The following ZSWIM2 variants were observed in gnomAD, a reference collection of about 807,000 sequenced individuals.
ZSWIM2 encodes the protein E3 ubiquitin-protein ligase ZSWIM2.
Under a neutral mutation model 48.4 loss-of-function variants are expected in ZSWIM2, and 38 were observed. The observed-to-expected ratio is 0.79, with a 90% CI of 0.61 to 1.03. ZSWIM2 has a LOEUF of 1.03. Among genes scored for constraint, ZSWIM2 ranks in the 50% least tolerant of loss-of-function variants. The pLI, the probability that ZSWIM2 is intolerant of heterozygous loss-of-function variation, is 0.00. For missense variants in ZSWIM2, 776 were observed against 730.2 expected (o/e 1.06, Z -0.72); for synonymous variants, 240 against 251.3 (o/e 0.96, Z 0.42).
chr2:186,844,021 T>C (rs190569610), intron 3 of ZSWIM2, among the ~76,000 whole-genome samples: 1 of 151,776 alleles, frequency 6.6e-6, no homozygotes, highest in East Asian at 1.9e-4. Flanking sequence ...TTCATGAATA[T>C]CAGAAACATT....
In ZSWIM2 at chr2:186,837,381, T is replaced by C. The variant is rs142721352; in HGVS notation, c.668A>G (p.Lys223Arg). ...NSSKLVAAAE[K>R]ERLDKHLGIP... ...CCCAAGGTGTTTGTCCAGTCTCTCT[T>C]TTTCTGCTGCAGCTACTAGTTTGCT... Residue 223 changes from lysine to arginine, a missense_variant, in exon 5 of 9, where the codon AAA (lysine) becomes AGA (arginine). Transcript: ENST00000295131. The C allele has an allele frequency of 1.2e-4, 201 of 1,613,070 alleles. 1 individual carries two copies. The African/African-American group carries it at 2.5e-3, about 20-fold the overall frequency.
intron 1 of ZSWIM2, chr2:186,848,718 G>A (rs1315632126): frequency 4.5e-6 from 2 of 441,402 alleles, no homozygotes; most frequent in South Asian, 2.8e-5. Context: ...AAGATCAAGA[G>A]CCATCATCTT....
rs748175205 is a variant in ZSWIM2 at position 186,829,818 on chromosome 2, C to T, written c.1004G>A (p.Ser335Asn). 3.1e-6 allele frequency: 5 copies of T among 1,613,502 alleles called. No individual in the cohort carries two copies. The highest frequency in any genetic ancestry group is 2.2e-5 in the East Asian group (1 of 44,858). The change falls in exon 8 of 9, where the codon AGT (serine) becomes AAT (asparagine). Residue 335 changes from serine to asparagine, a missense_variant. By Grantham distance (46) the Ser-to-Asn change is conservative. Coordinates refer to ENST00000295131, the MANE Select transcript of ZSWIM2 (RefSeq NM_182521.3). ...CTGGTAGCCTGGAGCAAGCAGCTTA[C>T]TATTCTTAGTAATCAGTTGGAGAGG... ...SLPLQLITKN[S>N]KLLAPGYQCL...
chr2:186,829,550 A>C (rs919476279), intron 8 of ZSWIM2, among the ~76,000 whole-genome samples, 177 bp downstream of exon 8: 1 of 152,180 alleles, frequency 6.6e-6, no homozygotes, highest in African/African-American at 2.4e-5. Flanking sequence ...AGACATCCTC[A>C]GGGAGAAAGC....
At chr2:186,834,802 C>T (rs975965640) in intron 5 of ZSWIM2, among the ~76,000 whole-genome samples, 2 of 152,134 alleles carry the variant, frequency 1.3e-5, no homozygotes, top group South Asian at 4.1e-4. Flanking sequence ...CCTCCCTCTT[C>T]TACTTTTAAG....
rs1486886545 is a variant in ZSWIM2 at position 186,827,985 on chromosome 2, C to T, written c.1901G>A (p.Ter634=). 1 of 1,544,750 alleles carries T rather than the reference C, an allele frequency of 6.5e-7. No homozygotes were observed. The highest frequency in any genetic ancestry group is 8.7e-7 in the Non-Finnish European group (1 of 1,150,262). The stretch of plus-strand genomic sequence containing the variant: ...AATATTTTCAGATAGTAAACTTTTT[C>T]ACAATTGAACTCCTTCTATTATTAA... The part of the protein sequence containing the change: ...LSLIIEGVQL[*] Residue 634 remains the stop codon, a stop_retained_variant, in exon 9 of 9, where the codon TGA becomes TAA. Transcript: ENST00000295131.
chr2:186,840,053 C>A (rs372971037), intron 3 of ZSWIM2, among the ~76,000 whole-genome samples: 1 of 146,508 alleles, frequency 6.8e-6, no homozygotes, highest in African/African-American at 2.5e-5. Context: ...AGACCCCCCC[C>A]AACTAAACAC....
rs1011396683 is a variant in ZSWIM2, at chr2:186,834,019, C to T, written c.755G>A (p.Cys252Tyr). 6.2e-7 allele frequency: 1 copy of T among 1,610,118 alleles called. No homozygotes were observed. Among genetic ancestry groups the T allele is most frequent in the African/African-American group, 1.3e-5 (1 of 74,870 alleles). ...IEGKCYKCTE[C>Y]IEYHLCQECF... Reference sequence around the variant, plus strand: ...TTCCTGGCATAAGTGATATTCTATGCATTCGGTACACCTAAAAATACAAAA... The same window carrying T: ...TTCCTGGCATAAGTGATATTCTATGTATTCGGTACACCTAAAAATACAAAA... The change falls in exon 6 of 9, where the codon TGC (cysteine) becomes TAC (tyrosine). Residue 252 changes from cysteine (C) to tyrosine (Y), a missense_variant. Cys to Tyr is a radical substitution (Grantham distance 194, BLOSUM62 -2). Transcript: ENST00000295131.
intron 2 of ZSWIM2, among the ~76,000 whole-genome samples, chr2:186,847,261 T>G (rs560450851): frequency 4.7e-4 from 71 of 152,198 alleles, no homozygotes; most frequent in African/African-American, 1.7e-3. Flanking sequence ...GAAACTTGAC[T>G]GCCATAGGCC....
chr2:186,829,920 A>T (rs1186416481), intron 7 of ZSWIM2, 40 bp from the exon 8 acceptor site: 1 of 1,606,548 alleles, frequency 6.2e-7, no homozygotes, highest in Non-Finnish European at 8.5e-7. Flanking sequence ...TTTACATGTT[A>T]TTATAGATCA....
intron 2 of ZSWIM2, among the ~76,000 whole-genome samples, chr2:186,847,465 G>C (rs1443015208): frequency 6.6e-6 from 1 of 152,030 alleles, no homozygotes; most frequent in Non-Finnish European, 1.5e-5. Context: ...ATTTGTACAT[G>C]AGAATCTAAA....
intron 4 of ZSWIM2, among the ~76,000 whole-genome samples, 177 bp downstream of exon 4, chr2:186,838,771 ATATATTTATAT>A (rs1691847405): frequency 6.9e-6 from 1 of 145,276 alleles, no homozygotes; most frequent in African/African-American, 2.5e-5. Context: ...ATATATTATA[ATATATTTATAT>A]TATATATATT....
At chr2:186,847,844 T>TAAA (rs1430605927) in intron 1 of ZSWIM2, 49 bp from the exon 2 acceptor site, 1 of 1,403,330 alleles carries the variant, frequency 7.1e-7, no homozygotes, top group Non-Finnish European at 1.0e-6. Context: ...ATTTGAGAGT[T>TAAA]AGAGCAAAAC....
chr2:186,836,153 A>C (rs1691790041), intron 5 of ZSWIM2, among the ~76,000 whole-genome samples: 1 of 152,028 alleles, frequency 6.6e-6, no homozygotes, highest in East Asian at 1.9e-4. Flanking sequence ...GTTCCCCCAC[A>C]TGTCCCAGCC....
chr2:186,845,176 A>C (rs186098398), intron 2 of ZSWIM2, among the ~76,000 whole-genome samples: 1 of 151,224 alleles, frequency 6.6e-6, no homozygotes, highest in East Asian at 1.9e-4. Flanking sequence ...GATATAAAAA[A>C]ATTTTTTTTA....
In ZSWIM2 at chr2:186,828,292, A is replaced by G; in HGVS notation, c.1594T>C (p.Cys532Arg). Residue 532 changes from cysteine to arginine, a missense_variant, in exon 9 of 9, where the codon TGC becomes CGC. By Grantham distance (180) the Cys-to-Arg change is radical (BLOSUM62 -3). Transcript: ENST00000295131. ...CTAGTGTGAAATTTTCCACTGATGC[A>G]TGGACTTTCCATTGCAGTGGGACAC... is the stretch of plus-strand genomic sequence containing the variant. ...IVCPTAMESP[C>R]ISGKFHTSLS... is the part of the protein sequence containing the mutation. The G allele has an allele frequency of 6.2e-7, 1 of 1,613,736 alleles. No individual in the cohort carries two copies. Among genetic ancestry groups the G allele is most frequent in the Non-Finnish European group, 8.5e-7 (1 of 1,179,826 alleles).
intron 3 of ZSWIM2, among the ~76,000 whole-genome samples, chr2:186,841,424 G>C (rs1310600575): frequency 6.6e-6 from 1 of 151,182 alleles, no homozygotes; most frequent in African/African-American, 2.4e-5. Flanking sequence ...AAAACTTAAA[G>C]AAATTGACAT....
intron 3 of ZSWIM2, among the ~76,000 whole-genome samples, chr2:186,839,453 T>A (rs1359255869): frequency 6.6e-6 from 1 of 151,752 alleles, no homozygotes; most frequent in Non-Finnish European, 1.5e-5. Flanking sequence ...TGGATTGGTG[T>A]TACAATCATG....
In ZSWIM2 at chr2:186,827,859, G is replaced by C. The variant is rs528832109; in HGVS notation, c.*125C>G. The C allele has an allele frequency of 1.3e-6, 1 of 766,664 alleles. No homozygotes were observed. Among genetic ancestry groups the C allele is most frequent in the Non-Finnish European group, 2.0e-6 (1 of 504,018 alleles). 47.5% of individuals were successfully genotyped at this position (766,664 alleles called of 1,614,324 possible). ...CTTTAAGTGTAGTGAGCTGTTTATA[G>C]GTAAGTAGGCAAATTCCAACAGAGA... On this transcript the variant is annotated 3_prime_UTR_variant, in exon 9 of 9. Coordinates refer to ENST00000295131, the MANE Select transcript of ZSWIM2 (RefSeq NM_182521.3).
Sources: gnomAD v4.1 joint callset for allele counts (sites outside exome capture counted in the v4.1 genomes callset) on GRCh38, gnomAD v4.1.1 for gene constraint, MANE v1.5 for transcripts, NCBI Gene and HGNC (gene_info 2026-07-23, HGNC 2026-07-21) for gene names.